Variants in TOPBP1 observed in about 807,000 individuals in gnomAD.
The protein encoded by TOPBP1 is DNA topoisomerase II binding protein 1, also known as DNA topoisomerase 2-binding protein 1.
A neutral mutation model predicts 167.7 loss-of-function variants in TOPBP1; 28 were observed. That is an observed-to-expected ratio of 0.17 (90% CI 0.12 to 0.23). The LOEUF is 0.23. Among genes scored for constraint, TOPBP1 ranks in the 10% least tolerant of loss-of-function variants. The probability of loss-of-function intolerance (pLI) is 1.00; values close to 1 mark genes in which losing one functional copy is unlikely to be tolerated. For missense variants in TOPBP1, 1,554 were observed against 1,809.6 expected (o/e 0.86, Z 2.56); for synonymous variants, 598 against 611.4 (o/e 0.98, Z 0.32).
At chr3:133,625,723 C>A (rs1392168129) in intron 16 of TOPBP1, among the ~76,000 whole-genome samples, 1 of 150,992 alleles carries the variant, frequency 6.6e-6, no homozygotes, top group Non-Finnish European at 1.5e-5. Context: ...AAGAGCAAAA[C>A]TCCCTCTCAA....
At chr3:133,656,029 G>A (rs1399723346) in intron 5 of TOPBP1, among the ~76,000 whole-genome samples, 2 of 151,292 alleles carry the variant, frequency 1.3e-5, no homozygotes, top group African/African-American at 4.9e-5. Context: ...GAAAAGTGCC[G>A]ATATAATTCG....
At chr3:133,618,163 G>GTAA (rs765328730) in intron 21 of TOPBP1, 50 bp downstream of exon 21, 4 of 1,464,898 alleles carry the variant, frequency 2.7e-6, no homozygotes, top group Non-Finnish European at 3.8e-6. Flanking sequence ...ATTTTTAAGA[G>GTAA]GTCAACATGT....
chr3:133,642,205 C>T (rs886370609), intron 12 of TOPBP1, among the ~76,000 whole-genome samples: 4 of 151,942 alleles, frequency 2.6e-5, no homozygotes, highest in African/African-American at 4.8e-5. Flanking sequence ...CTATGTTGTA[C>T]AGGCTGGTCT....
intron 14 of TOPBP1, among the ~76,000 whole-genome samples, chr3:133,629,564 T>TA (rs1559818141): frequency 6.6e-6 from 1 of 152,082 alleles, no homozygotes; most frequent in Non-Finnish European, 1.5e-5. Flanking sequence ...CAATTTCTTT[T>TA]TAAAAAAACT....
chr3:133,637,792 CT>C, intron 14 of TOPBP1, 83 bp downstream of exon 14: 1 of 1,455,112 alleles, frequency 6.9e-7, no homozygotes, highest in Admixed American at 2.1e-5. Context: ...TATTACTACA[CT>C]TCAGAGGTGA....
chr3:133,618,164 G>C (rs1388758260), intron 21 of TOPBP1, 49 bp downstream of exon 21: 1 of 1,475,782 alleles, frequency 6.8e-7, no homozygotes, highest in Non-Finnish European at 9.4e-7. Context: ...TTTTTAAGAG[G>C]TCAACATGTA....
At chr3:133,631,298 C>A (rs757123360) in intron 14 of TOPBP1, among the ~76,000 whole-genome samples, 2 of 152,168 alleles carry the variant, frequency 1.3e-5, no homozygotes, top group Admixed American at 6.5e-5. Context: ...TTGAATGCCA[C>A]CTTTATTACA....
At chr3:133,628,531 C>T in intron 15 of TOPBP1, 29 bp downstream of exon 15, 2 of 1,606,336 alleles carry the variant, frequency 1.2e-6, no homozygotes, top group Non-Finnish European at 1.7e-6. Context: ...TTATCTAAAA[C>T]TTCCTTTTAA....
At chr3:133,613,651 TA>T (rs1934757511) in intron 23 of TOPBP1, among the ~76,000 whole-genome samples, 1 of 152,118 alleles carries the variant, frequency 6.6e-6, no homozygotes, top group South Asian at 2.1e-4. Context: ...TTCTCAGATA[TA>T]AATGCATGAA....
chr3:133,638,565 G>A (rs889661836), intron 13 of TOPBP1, among the ~76,000 whole-genome samples: 2 of 152,174 alleles, frequency 1.3e-5, no homozygotes, highest in African/African-American at 4.8e-5. Flanking sequence ...CAGGTACTCA[G>A]AGTTAACTAC....
In TOPBP1 at chr3:133,649,918, C is replaced by A; in HGVS notation, c.1115G>T (p.Arg372Ile). Residue 372 changes from arginine to isoleucine, a missense_variant, in exon 9 of 28, where the codon AGA becomes ATA. By Grantham distance (97) the Arg-to-Ile change is moderately conservative (BLOSUM62 -3). This residue lies in a region of TOPBP1 where 1,197 missense variants were observed against 1,351.5 expected (regional missense o/e 0.89). Transcript: ENST00000260810. ...CRIYLCGFSG[R>I]KLDKLRRLIN... ...AAGTCTTCTCAGTTTATCTAGCTTT[C>A]TGCCACTAAAACCGCAAAGATATAT... is the stretch of plus-strand genomic sequence containing the variant. The A allele has an allele frequency of 6.2e-7, 1 of 1,601,442 alleles. No homozygotes were observed. Among genetic ancestry groups the A allele is most frequent in the African/African-American group, 1.3e-5 (1 of 74,548 alleles).
At chr3:133,622,007 G>A (rs955952194) in intron 19 of TOPBP1, among the ~76,000 whole-genome samples, 24 of 150,538 alleles carry the variant, frequency 1.6e-4, no homozygotes, top group South Asian at 1.1e-3. Flanking sequence ...GAAAGGGAAA[G>A]GAAGGGAAGA....
Position 133,623,144 on chromosome 3 carries a change from T to C in TOPBP1, c.3125A>G (p.Asn1042Ser), listed in dbSNP as rs10935070. The C allele has an allele frequency of 0.3, 481,192 of 1,608,256 alleles. 77,814 individuals carry two copies. The highest frequency in any genetic ancestry group is 0.37 in the South Asian group (33,843 of 90,780). ...ATTTGATGGTGCTGACTCTTTATTA[T>C]TGGTGGCCATATTGTCTACATCATT... ...EENDVDNMAT[N>S]NKESAPSNGS... Residue 1042 changes from asparagine to serine, a missense_variant, in exon 19 of 28, where the codon AAT (asparagine) becomes AGT (serine). Asn to Ser is a conservative substitution (Grantham distance 46). This residue lies in a region of TOPBP1 where 1,197 missense variants were observed against 1,351.5 expected (regional missense o/e 0.89). Transcript: ENST00000260810.
intron 8 of TOPBP1, among the ~76,000 whole-genome samples, chr3:133,650,912 C>T (rs929438642): frequency 6.6e-6 from 1 of 151,968 alleles, no homozygotes; most frequent in Non-Finnish European, 1.5e-5. Context: ...AGTTCAAGAC[C>T]AGCCTGGCCA....
intron 19 of TOPBP1, among the ~76,000 whole-genome samples, chr3:133,621,067 A>G (rs1275667642): frequency 1.3e-5 from 2 of 152,168 alleles, no homozygotes; most frequent in African/African-American, 4.8e-5. Flanking sequence ...GCTGGACTGC[A>G]GTGGTATGGT....
Position 133,624,091 on chromosome 3 carries a change from T to C in TOPBP1, c.2889A>G (p.Glu963=). ...DTNREYKSVK[E]RGVHIVSEHW... ...GCTCGGAAACAATGTGTACTCCTCTTTCTTTTACAGATTTATACTCCCGAT... is the reference window on the plus strand; with the variant it reads ...GCTCGGAAACAATGTGTACTCCTCTCTCTTTTACAGATTTATACTCCCGAT... The change falls in exon 17 of 28, where the codon GAA becomes GAG. Residue 963 remains glutamate (E), a synonymous_variant. Transcript: ENST00000260810. The C allele has an allele frequency of 6.2e-7, 1 of 1,613,882 alleles. No homozygotes were observed. The highest frequency in any genetic ancestry group is 8.5e-7 in the Non-Finnish European group (1 of 1,179,820).
chr3:133,603,541 G>C (rs1934381452), intron 27 of TOPBP1, among the ~76,000 whole-genome samples: 1 of 152,126 alleles, frequency 6.6e-6, no homozygotes, highest in African/African-American at 2.4e-5. Context: ...TCATGACACA[G>C]AGTAAACAGG....
Position 133,612,479 on chromosome 3 carries a change from G to A in TOPBP1, c.3945C>T (p.Asn1315=), listed in dbSNP as rs774338494. 1.7e-5 allele frequency: 27 copies of A among 1,613,814 alleles called. No individual in the cohort carries two copies. The highest frequency in any genetic ancestry group is 6.7e-5 in the East Asian group (3 of 44,896). Residue 1315 remains asparagine, a synonymous_variant, in exon 24 of 28, where the codon AAC becomes AAT. Transcript: ENST00000260810. ...CTGCCACTGAGGCTAAATACTTCTCGTTTCGAAGTGGATGTCCCACAACAA... is the reference window on the plus strand; with the variant it reads ...CTGCCACTGAGGCTAAATACTTCTCATTTCGAAGTGGATGTCCCACAACAA... ...THIVVGHPLR[N]EKYLASVAAG...
At chr3:133,628,258 G>T in intron 16 of TOPBP1, 104 bp downstream of exon 16, 1 of 1,038,116 alleles carries the variant, frequency 9.6e-7, no homozygotes, top group Non-Finnish European at 1.4e-6. Context: ...AGATAAAGAT[G>T]CATGAAACAA....
Sources: gnomAD v4.1 joint callset for allele counts (sites outside exome capture counted in the v4.1 genomes callset) on GRCh38, gnomAD v4.1.1 for gene constraint, gnomAD v4.1.1 regional missense constraint, MANE v1.5 for transcripts, NCBI Gene and HGNC (gene_info 2026-07-23, HGNC 2026-07-21) for gene names.